CNTNAP2: variants seen among roughly 807,000 people sequenced by gnomAD.
CNTNAP2 encodes the protein contactin associated protein 2, also known as contactin-associated protein-like 2.
Under a neutral mutation model 155.2 loss-of-function variants are expected in CNTNAP2, and 98 were observed. That is an observed-to-expected ratio of 0.63 (90% confidence interval 0.54 to 0.75). CNTNAP2 has a LOEUF of 0.75. CNTNAP2 is among the 30% of genes least tolerant of loss of function. The pLI is 0.00. For synonymous variants in CNTNAP2, 651 were observed against 631.2 expected (o/e 1.03, Z -0.47); for missense variants, 1,727 against 1,688.1 (o/e 1.02, Z -0.40).
At chr7:148,128,907 A>G (rs905051867) in intron 16 of CNTNAP2, among the ~76,000 whole-genome samples, 14 of 152,054 alleles carry the variant, frequency 9.2e-5, no homozygotes, top group Non-Finnish European at 1.9e-4. Flanking sequence ...GGCAGCTCCT[A>G]TGGGTGCCAC....
intron 11 of CNTNAP2, among the ~76,000 whole-genome samples, chr7:147,541,392 G>A (rs1335602283): frequency 6.6e-6 from 1 of 152,162 alleles, no homozygotes; most frequent in Non-Finnish European, 1.5e-5. Context: ...CAAACAGAAG[G>A]CACAACACTT....
intron 4 of CNTNAP2, among the ~76,000 whole-genome samples, chr7:147,105,541 G>C (rs905444713): frequency 4.6e-5 from 7 of 152,006 alleles, no homozygotes; most frequent in African/African-American, 1.7e-4. Flanking sequence ...AGGAAACAGA[G>C]CCAAACTGTG....
chr7:146,856,178 A>G (rs1227135254), intron 3 of CNTNAP2, among the ~76,000 whole-genome samples: 1 of 151,992 alleles, frequency 6.6e-6, no homozygotes, highest in African/African-American at 2.4e-5. Flanking sequence ...AATGCATTGC[A>G]CACCTTTAGA....
intron 1 of CNTNAP2, among the ~76,000 whole-genome samples, chr7:146,322,663 A>G (rs1801027003): frequency 4.3e-5 from 1 of 23,482 alleles, no homozygotes; most frequent in South Asian, 1.7e-3. Context: ...GCTGGCTATG[A>G]CGGTAACTGA....
intron 19 of CNTNAP2, among the ~76,000 whole-genome samples, chr7:148,223,933 C>A (rs1419341923): frequency 6.6e-6 from 1 of 152,168 alleles, no homozygotes; most frequent in Non-Finnish European, 1.5e-5. Flanking sequence ...TTGCCGGTTC[C>A]TCCGACCTCT....
At chr7:147,322,117 T>C (rs1042444867) in intron 9 of CNTNAP2, among the ~76,000 whole-genome samples, 2 of 152,112 alleles carry the variant, frequency 1.3e-5, no homozygotes, top group Non-Finnish European at 1.5e-5. Flanking sequence ...AAGTTCTAGA[T>C]AGGAGGAAAA....
At chr7:148,226,585 T>C (rs944698738) in intron 19 of CNTNAP2, among the ~76,000 whole-genome samples, 2 of 152,042 alleles carry the variant, frequency 1.3e-5, no homozygotes, top group African/African-American at 2.4e-5. Flanking sequence ...GGCAAAATGA[T>C]GGAGTTTAAC....
chr7:146,354,411 A>ATTTTTTTTTTTTTTTTTTT (rs10641636), intron 1 of CNTNAP2, among the ~76,000 whole-genome samples: 1 of 135,346 alleles, frequency 7.4e-6, no homozygotes, highest in Non-Finnish European at 1.6e-5. Context: ...TCTTGTTAGT[A>ATTTTTTTTTTTTTTTTTTT]TTTTTTTTTT....
intron 2 of CNTNAP2, among the ~76,000 whole-genome samples, chr7:146,787,793 G>A (rs1041961765): frequency 2.6e-5 from 4 of 152,128 alleles, no homozygotes; most frequent in South Asian, 2.1e-4. Context: ...GCTGATTGGT[G>A]CATTTACAGT....
intron 3 of CNTNAP2, among the ~76,000 whole-genome samples, chr7:147,030,170 GA>G (rs1466626067): frequency 2.0e-5 from 3 of 152,174 alleles, no homozygotes; most frequent in African/African-American, 7.2e-5. Context: ...TGTGTTTACT[GA>G]GCTGAGGTTT....
intron 8 of CNTNAP2, among the ~76,000 whole-genome samples, chr7:147,163,005 C>T (rs929986615): frequency 2.6e-5 from 4 of 152,248 alleles, no homozygotes; most frequent in African/African-American, 7.2e-5. Context: ...CGATGATAAA[C>T]ATGCAGTGCC....
chr7:147,555,942 T>G (rs1799944442), intron 11 of CNTNAP2, among the ~76,000 whole-genome samples: 1 of 152,234 alleles, frequency 6.6e-6, no homozygotes, highest in African/African-American at 2.4e-5. Context: ...CAGCAATTCA[T>G]GCCTGTTACT....
chr7:146,434,976 TTC>T (rs893442343), intron 1 of CNTNAP2, among the ~76,000 whole-genome samples: 103 of 152,008 alleles, frequency 6.8e-4, no homozygotes, highest in Middle Eastern at 3.4e-3. Flanking sequence ...ATGCAAACTT[TTC>T]TCTCTCTCTC....
intron 14 of CNTNAP2, among the ~76,000 whole-genome samples, chr7:147,926,788 G>A (rs1338317838): frequency 3.3e-5 from 5 of 152,052 alleles, no homozygotes; most frequent in South Asian, 2.1e-4. Context: ...AACAAAGAGC[G>A]TTTTTAAACA....
intron 1 of CNTNAP2, among the ~76,000 whole-genome samples, chr7:146,678,799 T>A (rs907562180): frequency 6.6e-6 from 1 of 152,216 alleles, no homozygotes; most frequent in Non-Finnish European, 1.5e-5. Flanking sequence ...TAAAATAGAC[T>A]ATTTGAATAT....
chr7:146,823,396 T>C (rs1803333238), intron 2 of CNTNAP2, among the ~76,000 whole-genome samples: 1 of 133,126 alleles, frequency 7.5e-6, no homozygotes, highest in South Asian at 2.7e-4. Context: ...CATTCTTCAG[T>C]ATATTTCCAT....
intron 13 of CNTNAP2, among the ~76,000 whole-genome samples, chr7:147,870,223 C>T (rs928833158): frequency 6.6e-6 from 1 of 152,112 alleles, no homozygotes; most frequent in Non-Finnish European, 1.5e-5. Context: ...CTGAGAGAGA[C>T]TCAGGCCATA....
intron 1 of CNTNAP2, among the ~76,000 whole-genome samples, chr7:146,743,686 C>G (rs986125112): frequency 1.6e-4 from 24 of 152,030 alleles, no homozygotes; most frequent in African/African-American, 5.8e-4. Flanking sequence ...ATACACATCC[C>G]TCAATTAGTA....
chr7:147,058,409 C>G (rs990009427), intron 4 of CNTNAP2, among the ~76,000 whole-genome samples: 2 of 152,000 alleles, frequency 1.3e-5, no homozygotes, highest in African/African-American at 4.8e-5. Flanking sequence ...ATATTCTATT[C>G]TATTATAGAA....
Sources: gnomAD v4.1 joint callset for allele counts (sites outside exome capture counted in the v4.1 genomes callset) on GRCh38, gnomAD v4.1.1 for gene constraint, MANE v1.5 for transcripts, NCBI Gene and HGNC (gene_info 2026-07-23, HGNC 2026-07-21) for gene names.